Variants in LNX1 observed in about 807,000 individuals in gnomAD.
LNX1 encodes the protein E3 ubiquitin-protein ligase LNX.
In LNX1, 54 loss-of-function variants were observed where a neutral mutation model predicts 68.4. That is an observed-to-expected ratio of 0.79 (90% confidence interval 0.63 to 0.99). LNX1 has a LOEUF of 0.99. LNX1 is among the 50% of genes least tolerant of loss of function. The probability of loss-of-function intolerance (pLI) is 0.00; values close to 1 mark genes in which losing one functional copy is unlikely to be tolerated. For synonymous variants in LNX1, 336 were observed against 350.0 expected, an observed-to-expected ratio of 0.96 and a Z score of 0.45; for missense variants, 906 against 926.4, an observed-to-expected ratio of 0.98 and a Z score of 0.29.
At chr4:53,575,482 TA>T in intron 1 of LNX1, 1 of 983,782 alleles carries the variant, frequency 1.0e-6, no homozygotes, top group Non-Finnish European at 1.2e-6. Context: ...GAGAGAGACT[TA>T]AAGGATATGC....
At chr4:53,551,880 C>A (rs1729540685) in intron 2 of LNX1, among the ~76,000 whole-genome samples, 1 of 152,122 alleles carries the variant, frequency 6.6e-6, no homozygotes, top group Admixed American at 6.5e-5. Flanking sequence ...ATTGAGGTTG[C>A]TACAGATTTG....
At chr4:53,570,614 T>C (rs891580132) in intron 2 of LNX1, among the ~76,000 whole-genome samples, 8 of 150,992 alleles carry the variant, frequency 5.3e-5, no homozygotes, top group African/African-American at 2.0e-4. Flanking sequence ...TGTATACGTA[T>C]GTAACTAACC....
At chr4:53,641,032 C>T (rs1188354144) in intron 1 of LNX1, among the ~76,000 whole-genome samples, 1 of 152,226 alleles carries the variant, frequency 6.6e-6, no homozygotes, top group African/African-American at 2.4e-5. Context: ...CTTGCACCTG[C>T]AGACCCCAGC....
chr4:53,555,377 C>A (rs1435111000), intron 2 of LNX1, among the ~76,000 whole-genome samples: 4 of 151,664 alleles, frequency 2.6e-5, no homozygotes, highest in Admixed American at 6.6e-5. Flanking sequence ...TTCCTCTAAG[C>A]ACTTCAAGAT....
intron 2 of LNX1, among the ~76,000 whole-genome samples, chr4:53,548,232 T>G (rs1340307421): frequency 6.6e-6 from 1 of 152,202 alleles, no homozygotes; most frequent in Non-Finnish European, 1.5e-5. Flanking sequence ...GCCCCATTCC[T>G]TCCAAGACCA....
Position 53,496,103 on chromosome 4 carries a change from C to T in LNX1, c.1270G>A (p.Glu424Lys), listed in dbSNP as rs1725037144. The change falls in exon 6 of 11, where the codon GAG (glutamate) becomes AAG (lysine). Residue 424 changes from glutamate to lysine, a missense_variant. Physicochemically the swap from Glu to Lys is moderately conservative, Grantham distance 56. Transcript: ENST00000263925. The stretch of plus-strand genomic sequence containing the variant: ...ATGGCTAACACACGGTCATTCTCCT[C>T]AAGCTGACCATGTCGATATGCCACA... Reference protein sequence around the residue: ...GGVAYRHGQLEENDRVLAING... With the variant: ...GGVAYRHGQLKENDRVLAING... 1.2e-6 allele frequency: 2 copies of T among 1,614,180 alleles called. No homozygotes were observed. The highest frequency in any genetic ancestry group is 1.7e-6 in the Non-Finnish European group (2 of 1,180,008).
chr4:53,574,174 G>A (rs1414567866), intron 1 of LNX1, 86 bp from the exon 2 acceptor site: 3 of 1,018,098 alleles, frequency 2.9e-6, no homozygotes, highest in African/African-American at 3.3e-5. Flanking sequence ...GGCTGCCAAT[G>A]CATGGGGAAT....
intron 9 of LNX1, among the ~76,000 whole-genome samples, chr4:53,470,394 G>A (rs1252362715): frequency 6.6e-6 from 1 of 152,252 alleles, no homozygotes; most frequent in African/African-American, 2.4e-5. Flanking sequence ...TACTGAATGG[G>A]CAAAAACTGG....
At chr4:53,548,510 G>T (rs980040641) in intron 2 of LNX1, among the ~76,000 whole-genome samples, 1 of 152,092 alleles carries the variant, frequency 6.6e-6, no homozygotes, top group Non-Finnish European at 1.5e-5. Flanking sequence ...CAAGATTATT[G>T]CCCTGTGGAG....
Position 53,481,774 on chromosome 4 carries a change from C to G in LNX1, c.1431G>C (p.Trp477Cys). Reference protein sequence around the residue: ...RSPDIFQEAGWNSNGSWSPGP... With the variant: ...RSPDIFQEAGCNSNGSWSPGP... ...CTGGGGACCAGCTGCCATTGCTGTT[C>G]CAGCCGGCTTCCTGAAAGATGTCAG... The change falls in exon 7 of 11, where the codon TGG becomes TGC. Residue 477 changes from tryptophan (W) to cysteine (C), a missense_variant. Coordinates refer to ENST00000263925, the MANE Select transcript of LNX1 (RefSeq NM_001126328.3). 6.2e-7 allele frequency: 1 copy of G among 1,613,912 alleles called. No homozygotes were observed. Among genetic ancestry groups the G allele is most frequent in the Non-Finnish European group, 8.5e-7 (1 of 1,179,890 alleles).
exon 1 of LNX1, chr4:53,652,474 T>C (rs1466458983): frequency 6.6e-6 from 1 of 152,248 alleles, no homozygotes; most frequent in African/African-American, 2.4e-5. Context: ...GACAAATCTC[T>C]TCTGGTTTGG....
chr4:53,498,967 T>C (rs913138230), intron 4 of LNX1, 124 bp from the exon 5 acceptor site: 2 of 714,336 alleles, frequency 2.8e-6, no homozygotes, highest in African/African-American at 1.8e-5. Flanking sequence ...ATGTTTTCCA[T>C]TTTCCTGCCT....
rs1177174021 is a variant in LNX1, at chr4:53,512,373, G to T, written c.381-4146C>A. ...CAGAGATGGCACATTCTAATCTCTG[G>T]TAATTAAAAAAAACTGCCAACACAA... On this transcript the variant is annotated intron_variant, in intron 2 of 10. Coordinates refer to ENST00000263925, the MANE Select transcript of LNX1 (RefSeq NM_001126328.3). 4.3e-4 allele frequency among the ~76,000 whole-genome samples: 5 copies of T among 11,624 alleles called. No homozygotes were observed. The South Asian group carries it at 0.15, about 342-fold the overall frequency. 7.6% of individuals were successfully genotyped at this position (11,624 alleles called of 152,430 possible).
chr4:53,600,554 A>G (rs1732954283), intron 2 of LNX1, among the ~76,000 whole-genome samples: 1 of 151,974 alleles, frequency 6.6e-6, no homozygotes, highest in Non-Finnish European at 1.5e-5. Flanking sequence ...CATGAAAACC[A>G]CTCACTATTA....
intron 1 of LNX1, among the ~76,000 whole-genome samples, chr4:53,588,247 T>C (rs1290316282): frequency 6.6e-6 from 1 of 152,206 alleles, no homozygotes; most frequent in Non-Finnish European, 1.5e-5. Context: ...GGCTAGCAAC[T>C]ACATGGTAGA....
At chr4:53,466,728 C>G (rs957132151) in intron 9 of LNX1, among the ~76,000 whole-genome samples, 1 of 152,224 alleles carries the variant, frequency 6.6e-6, no homozygotes, top group Non-Finnish European at 1.5e-5. Context: ...GCCCAAGGAG[C>G]CTTGCTCATT....
intron 1 of LNX1, 115 bp from the exon 2 acceptor site, chr4:53,574,203 G>A: frequency 1.2e-5 from 10 of 854,102 alleles, no homozygotes; most frequent in Non-Finnish European, 1.7e-5. Context: ...GATTCAGAAA[G>A]CCAGGGTTGA....
intron 1 of LNX1, among the ~76,000 whole-genome samples, chr4:53,641,509 C>T (rs1021850689): frequency 6.6e-6 from 1 of 152,234 alleles, no homozygotes; most frequent in Non-Finnish European, 1.5e-5. Context: ...CCAGGTGGAC[C>T]TAACGACCAT....
chr4:53,521,360 G>A (rs746851178), intron 2 of LNX1, among the ~76,000 whole-genome samples: 14 of 152,132 alleles, frequency 9.2e-5, no homozygotes, highest in Admixed American at 5.9e-4. Flanking sequence ...CATTTCCTCC[G>A]TTCCTCAAAG....
Sources: allele counts gnomAD v4.1 joint callset (sites outside exome capture counted in the v4.1 genomes callset), GRCh38; gene constraint gnomAD v4.1.1; transcripts MANE v1.5; gene names NCBI Gene and HGNC (gene_info 2026-07-23, HGNC 2026-07-21).